The following PTPN2 variants were observed in gnomAD, a reference collection of about 807,000 sequenced individuals.
PTPN2 encodes the protein tyrosine-protein phosphatase non-receptor type 2.
Under a neutral mutation model 57.3 loss-of-function variants are expected in PTPN2, and 19 were observed. The ratio of observed to expected loss-of-function variants is 0.33; its 90% CI spans 0.23 to 0.49. The LOEUF (loss-of-function observed/expected upper bound fraction) is 0.49. PTPN2 is among the 20% of genes least tolerant of loss of function. The pLI, the probability that PTPN2 is intolerant of heterozygous loss-of-function variation, is 0.99. For missense variants in PTPN2, 358 were observed against 501.1 expected, an observed-to-expected ratio of 0.71 and a Z score of 2.73; for synonymous variants, 153 against 164.9, an observed-to-expected ratio of 0.93 and a Z score of 0.55.
intron 1 of PTPN2, among the ~76,000 whole-genome samples, chr18:12,870,504 C>T (rs1325279093): frequency 2.2e-5 from 1 of 44,846 alleles, no homozygotes; most frequent in African/African-American, 1.3e-4. Flanking sequence ...GAGAGAAAAG[C>T]GTGTTGTTTT....
chr18:12,836,383 TGTACTCTCTGAA>T (rs1259401863), intron 3 of PTPN2, among the ~76,000 whole-genome samples: 4 of 152,182 alleles, frequency 2.6e-5, no homozygotes, highest in African/African-American at 9.7e-5. Flanking sequence ...CAGGGCTTGG[TGTACTCTCTGAA>T]GATATATGCG....
At chr18:12,829,525 A>G (rs990684729) in intron 4 of PTPN2, among the ~76,000 whole-genome samples, 3 of 139,872 alleles carry the variant, frequency 2.1e-5, no homozygotes, top group African/African-American at 8.2e-5. Flanking sequence ...AAAAAAAAAG[A>G]GGACTCAGGA....
At chr18:12,797,121 C>CTTT (rs1377524033) in intron 8 of PTPN2, among the ~76,000 whole-genome samples, 7 of 152,070 alleles carry the variant, frequency 4.6e-5, no homozygotes, top group African/African-American at 1.7e-4. Context: ...ATGCATGTAC[C>CTTT]TGTTAGTGAA....
At position 12,822,829 on chromosome 18, in the gene PTPN2, T is replaced by C. The variant is rs528116977; in HGVS notation, c.495+2981A>G. 3.9e-4 allele frequency among the ~76,000 whole-genome samples: 60 copies of C among 152,282 alleles called. 1 individual carries two copies. Among genetic ancestry groups the C allele is most frequent in the Middle Eastern group, 3.4e-3 (1 of 294 alleles). On this transcript the variant is annotated intron_variant, in intron 5 of 8. Transcript: ENST00000309660. ...GTTGTCCCTTCCAATTCATTACTGT[T>C]ACAAAAAGGAAACTGATCAACTAAA...
At chr18:12,789,671 T>A (rs939769458), downstream of PTPN2, among the ~76,000 whole-genome samples, 1 of 152,178 alleles carries the variant, frequency 6.6e-6, no homozygotes, top group Non-Finnish European at 1.5e-5. Flanking sequence ...AGAACCCATG[T>A]GTGCACCTGC....
At chr18:12,845,272 T>C (rs2043174183) in intron 2 of PTPN2, among the ~76,000 whole-genome samples, 1 of 152,154 alleles carries the variant, frequency 6.6e-6, no homozygotes, top group Non-Finnish European at 1.5e-5. Flanking sequence ...ATAGAACAAT[T>C]TGGGGAGGAC....
intron 1 of PTPN2, among the ~76,000 whole-genome samples, chr18:12,870,510 GT>G (rs397953218): frequency 1.6e-3 from 85 of 54,408 alleles, no homozygotes; most frequent in African/African-American, 7.6e-3. Flanking sequence ...AAAGCGTGTT[GT>G]TTTTTTTTTT....
chr18:12,795,980 C>CT (rs1232205230), intron 8 of PTPN2, among the ~76,000 whole-genome samples: 1 of 148,940 alleles, frequency 6.7e-6, no homozygotes, highest in African/African-American at 2.5e-5. Context: ...CACGATGGTG[C>CT]TTAAAAATCT....
intron 3 of PTPN2, 59 bp from the exon 4 acceptor site, chr18:12,831,100 A>C: frequency 8.0e-7 from 1 of 1,253,546 alleles, no homozygotes; most frequent in Non-Finnish European, 1.2e-6. Context: ...GCAAGGCTCC[A>C]GGAAGGCCTT....
chr18:12,834,848 T>C (rs938015820), intron 3 of PTPN2, among the ~76,000 whole-genome samples: 7 of 152,172 alleles, frequency 4.6e-5, no homozygotes, highest in African/African-American at 1.7e-4. Flanking sequence ...ATAAGGGATC[T>C]AGGGTGGTAA....
At chr18:12,877,827 C>T (rs370457032) in intron 1 of PTPN2, among the ~76,000 whole-genome samples, 2 of 151,812 alleles carry the variant, frequency 1.3e-5, no homozygotes, top group South Asian at 2.1e-4. Flanking sequence ...CTGGCTAACA[C>T]GGTCAAACCC....
chr18:12,833,149 T>C (rs918675573), intron 3 of PTPN2, among the ~76,000 whole-genome samples: 4 of 152,180 alleles, frequency 2.6e-5, no homozygotes, highest in Non-Finnish European at 4.4e-5. Flanking sequence ...TTACCAGCAA[T>C]GCTACCAATG....
At chr18:12,861,601 G>A (rs867782544) in intron 1 of PTPN2, among the ~76,000 whole-genome samples, 3 of 152,172 alleles carry the variant, frequency 2.0e-5, no homozygotes, top group Non-Finnish European at 2.9e-5. Flanking sequence ...TAGCATAAAT[G>A]TATAATAAAG....
chr18:12,854,002 C>T (rs913237123), intron 2 of PTPN2, among the ~76,000 whole-genome samples: 3 of 151,896 alleles, frequency 2.0e-5, no homozygotes, highest in Admixed American at 6.6e-5. Flanking sequence ...ACTGTAATGA[C>T]GAGGAAAAGC....
At chr18:12,876,744 G>A (rs531154364) in intron 1 of PTPN2, among the ~76,000 whole-genome samples, 5 of 152,288 alleles carry the variant, frequency 3.3e-5, no homozygotes, top group South Asian at 4.1e-4. Context: ...ACCTAGAAAC[G>A]AAATACCTGG....
intron 1 of PTPN2, among the ~76,000 whole-genome samples, chr18:12,860,433 C>T (rs1158496836): frequency 4.6e-5 from 7 of 150,794 alleles, no homozygotes; most frequent in Admixed American, 4.0e-4. Flanking sequence ...CTCGTCTCTA[C>T]TGAAACTACA....
intron 2 of PTPN2, chr18:12,840,882 C>T (rs2043022282): frequency 5.1e-6 from 8 of 1,564,768 alleles, no homozygotes; most frequent in South Asian, 4.6e-5. Flanking sequence ...TGTGCCGATG[C>T]AGTCCATGAC....
At chr18:12,785,644 T>G in exon 10 of PTPN2, 1 of 656,164 alleles carries the variant, frequency 1.5e-6, no homozygotes, top group South Asian at 1.7e-5. Flanking sequence ...CTGCAAAGTC[T>G]TCTGCTGGTG....
intron 2 of PTPN2, among the ~76,000 whole-genome samples, chr18:12,846,352 A>G (rs1215802150): frequency 1.3e-5 from 2 of 152,244 alleles, no homozygotes; most frequent in African/African-American, 2.4e-5. Flanking sequence ...ATCCATTTCA[A>G]TATTTATTAG....
Sources: allele counts gnomAD v4.1 joint callset (sites outside exome capture counted in the v4.1 genomes callset), GRCh38; gene constraint gnomAD v4.1.1; transcripts MANE v1.5; gene names NCBI Gene and HGNC (gene_info 2026-07-23, HGNC 2026-07-21).